The following LNP1 variants were observed in gnomAD, a reference collection of about 807,000 sequenced individuals.
LNP1 encodes the protein leukemia NUP98 fusion partner 1.
LNP1 carries 12 observed loss-of-function variants against 14.5 expected under a neutral mutation model. The ratio of observed to expected loss-of-function variants is 0.83; its 90% CI spans 0.53 to 1.34. The LOEUF is 1.34. LNP1 is among the 40% of genes most tolerant of loss of function. The pLI, the probability that LNP1 is intolerant of heterozygous loss-of-function variation, is 0.00. For synonymous variants in LNP1, 75 were observed against 71.4 expected, an observed-to-expected ratio of 1.05 and a Z score of -0.26; for missense variants, 198 against 210.9, an observed-to-expected ratio of 0.94 and a Z score of 0.38.
At chr3:100,407,491 C>CT (rs1365936395) in intron 1 of LNP1, among the ~76,000 whole-genome samples, 1 of 152,048 alleles carries the variant, frequency 6.6e-6, no homozygotes, top group Non-Finnish European at 1.5e-5. Context: ...ATGTTACTTG[C>CT]TTTTTTTGTC....
intron 1 of LNP1, among the ~76,000 whole-genome samples, chr3:100,411,561 T>C (rs907587673): frequency 3.3e-5 from 5 of 152,196 alleles, no homozygotes; most frequent in East Asian, 1.9e-4. Context: ...CTGAGTGGCA[T>C]AAACAGCAGA....
intron 1 of LNP1, among the ~76,000 whole-genome samples, chr3:100,407,075 C>A (rs189663201): frequency 6.6e-6 from 1 of 152,270 alleles, no homozygotes; most frequent in East Asian, 1.9e-4. Flanking sequence ...TATCTTTTAG[C>A]CCTACTAAAG....
At chr3:100,424,096 A>G (rs1472984674) in intron 1 of LNP1, among the ~76,000 whole-genome samples, 1 of 152,192 alleles carries the variant, frequency 6.6e-6, no homozygotes, top group Non-Finnish European at 1.5e-5. Context: ...TAAAGAAGAA[A>G]TAGGCTTAAC....
At chr3:100,437,028 C>T (rs1314621599) in intron 2 of LNP1, among the ~76,000 whole-genome samples, 1 of 152,212 alleles carries the variant, frequency 6.6e-6, no homozygotes, top group Non-Finnish European at 1.5e-5. Flanking sequence ...TCTGGGACTT[C>T]CTAGCCTCCA....
intron 2 of LNP1, among the ~76,000 whole-genome samples, chr3:100,447,985 A>G (rs1707404346): frequency 6.6e-6 from 1 of 152,208 alleles, no homozygotes; most frequent in South Asian, 2.1e-4. Flanking sequence ...AAATACCCAA[A>G]TAATGAAATC....
intron 2 of LNP1, among the ~76,000 whole-genome samples, chr3:100,446,550 C>T (rs1195317277): frequency 2.0e-5 from 3 of 152,126 alleles, no homozygotes; most frequent in African/African-American, 7.2e-5. Flanking sequence ...GCAAGGACTT[C>T]ATAACTAAAA....
chr3:100,402,493 C>CT (rs1706921145), intron 1 of LNP1, 54 bp downstream of exon 1: 1 of 152,118 alleles, frequency 6.6e-6, no homozygotes, highest in Admixed American at 6.6e-5. Context: ...TAGCAACAGA[C>CT]TAAAAAAATG....
intron 2 of LNP1, among the ~76,000 whole-genome samples, chr3:100,447,169 A>G (rs1392245921): frequency 6.6e-6 from 1 of 152,246 alleles, no homozygotes; most frequent in Non-Finnish European, 1.5e-5. Context: ...TTATGGCACT[A>G]TTCACAGTAG....
intron 1 of LNP1, among the ~76,000 whole-genome samples, chr3:100,404,938 G>A (rs1398875966): frequency 2.6e-5 from 4 of 151,736 alleles, no homozygotes; most frequent in African/African-American, 9.7e-5. Context: ...GACTACTGGC[G>A]CCCGCCACCA....
intron 1 of LNP1, among the ~76,000 whole-genome samples, chr3:100,408,792 T>C (rs1287137360): frequency 6.6e-6 from 1 of 152,150 alleles, no homozygotes; most frequent in Non-Finnish European, 1.5e-5. Context: ...ACAATATCTT[T>C]TTCCGGGCTG....
At position 100,418,059 on chromosome 3, in the gene LNP1, A is replaced by ACTTTTTTTTT. The variant is rs565769310; in HGVS notation, c.-33-11638_-33-11637insCTTTTTTTTT. On this transcript the variant is annotated intron_variant, in intron 1 of 3. Transcript: ENST00000383693. Reference sequence around the variant, plus strand: ...GTTTTGTTCTTTCATTTCTCATACCATTTTTTTTTTTTTTTTTTGAGATGG... The same window carrying ACTTTTTTTTT: ...GTTTTGTTCTTTCATTTCTCATACCACTTTTTTTTTTTTTTTTTTTTTTTTTTTGAGATGG... Among the ~76,000 whole-genome samples the ACTTTTTTTTT allele has an allele frequency of 5.2e-5, 6 of 115,622 alleles. 2 individuals are homozygous for ACTTTTTTTTT. The highest frequency in any genetic ancestry group is 9.2e-5 in the Non-Finnish European group (5 of 54,340). The allele number at this position is 115,622 out of a possible 152,430, so 75.9% of individuals were successfully genotyped here.
At chr3:100,437,696 A>G (rs564357764) in intron 2 of LNP1, among the ~76,000 whole-genome samples, 2 of 152,322 alleles carry the variant, frequency 1.3e-5, no homozygotes, top group African/African-American at 4.8e-5. Flanking sequence ...AATACTCTTC[A>G]TATAAAATTC....
At chr3:100,431,870 C>T (rs1436311813) in intron 2 of LNP1, among the ~76,000 whole-genome samples, 1 of 147,824 alleles carries the variant, frequency 6.8e-6, no homozygotes, top group Non-Finnish European at 1.5e-5. Context: ...GGTGGTGCTT[C>T]CATAGTCCCA....
intron 3 of LNP1, among the ~76,000 whole-genome samples, chr3:100,454,140 G>C (rs913638306): frequency 6.6e-6 from 1 of 151,968 alleles, no homozygotes; most frequent in Non-Finnish European, 1.5e-5. Flanking sequence ...TTCCTTTTGG[G>C]TTCCAAGATA....
At chr3:100,446,471 A>T (rs1484363996) in intron 2 of LNP1, among the ~76,000 whole-genome samples, 1 of 152,240 alleles carries the variant, frequency 6.6e-6, no homozygotes, top group African/African-American at 2.4e-5. Context: ...AAAGACTTAA[A>T]TATTAGACCT....
intron 2 of LNP1, among the ~76,000 whole-genome samples, chr3:100,436,028 G>T (rs1707290869): frequency 6.6e-6 from 1 of 152,070 alleles, no homozygotes; most frequent in African/African-American, 2.4e-5. Context: ...ATGGAACAAG[G>T]GAATCAGCTA....
intron 1 of LNP1, among the ~76,000 whole-genome samples, chr3:100,410,209 A>G (rs1345259216): frequency 2.0e-5 from 3 of 152,274 alleles, no homozygotes; most frequent in East Asian, 1.9e-4. Flanking sequence ...TGGTAGAAAT[A>G]TGGATATTAA....
At chr3:100,422,182 C>CTTTTTT (rs35862297) in intron 1 of LNP1, among the ~76,000 whole-genome samples, 2 of 101,616 alleles carry the variant, frequency 2.0e-5, no homozygotes, top group Non-Finnish European at 3.9e-5. Context: ...TTGATAAAGT[C>CTTTTTT]TTTTTTTTTT....
At chr3:100,453,049 C>T (rs1287168729) in intron 3 of LNP1, among the ~76,000 whole-genome samples, 2 of 152,158 alleles carry the variant, frequency 1.3e-5, no homozygotes, top group African/African-American at 4.8e-5. Context: ...TGGAGCTAGA[C>T]TCTGTGAGTC....
Sources: gnomAD v4.1 joint callset for allele counts (sites outside exome capture counted in the v4.1 genomes callset) on GRCh38, gnomAD v4.1.1 for gene constraint, MANE v1.5 for transcripts, NCBI Gene and HGNC (gene_info 2026-07-23, HGNC 2026-07-21) for gene names.